The following HECW1 variants were observed in gnomAD, a reference collection of about 807,000 sequenced individuals.
HECW1 encodes HECT, C2 and WW domain containing E3 ubiquitin protein ligase 1.
A neutral mutation model predicts 182.3 loss-of-function variants in HECW1; 61 were observed. The observed-to-expected ratio is 0.33, with a 90% confidence interval of 0.27 to 0.41. The LOEUF is 0.41. Among genes scored for constraint, HECW1 ranks in the 10% least tolerant of loss-of-function variants. The pLI is 1.00. For missense variants in HECW1, 1,739 were observed against 2,108.9 expected (o/e 0.82, Z 3.44); for synonymous variants, 859 against 832.6 (o/e 1.03, Z -0.55).
chr7:43,189,094 GT>G (rs1793664267), intron 2 of HECW1, among the ~76,000 whole-genome samples: 1 of 152,126 alleles, frequency 6.6e-6, no homozygotes, highest in African/African-American at 2.4e-5. Flanking sequence ...GCAGTTGTGT[GT>G]TTGCCCAAGC....
intron 8 of HECW1, among the ~76,000 whole-genome samples, chr7:43,433,911 C>T (rs1482004371): frequency 6.6e-6 from 1 of 152,190 alleles, no homozygotes; most frequent in Non-Finnish European, 1.5e-5. Context: ...AGCCAGACAT[C>T]AGACCCCCAA....
intron 5 of HECW1, among the ~76,000 whole-genome samples, chr7:43,341,642 A>G (rs1813013418): frequency 6.6e-6 from 1 of 151,810 alleles, no homozygotes; most frequent in Non-Finnish European, 1.5e-5. Context: ...TAAAAATACA[A>G]ACATCTACTG....
intron 17 of HECW1, chr7:43,484,075 A>C (rs1027845574): frequency 6.6e-6 from 1 of 152,292 alleles, no homozygotes; most frequent in Non-Finnish European, 1.5e-5. Context: ...GTCTGCAGAC[A>C]GGCGTTCCAG....
chr7:43,251,142 A>G (rs1283400175), intron 3 of HECW1, among the ~76,000 whole-genome samples: 2 of 152,000 alleles, frequency 1.3e-5, no homozygotes, highest in Non-Finnish European at 2.9e-5. Context: ...CCTCTCCTTG[A>G]GGGCTGCAAG....
Position 43,526,243 on chromosome 7 carries a change from T to C in HECW1, c.4020-14920T>C, listed in dbSNP as rs537513216. Among the ~76,000 whole-genome samples the C allele has an allele frequency of 6.4e-4, 98 of 152,350 alleles. 1 individual carries two copies. The highest frequency in any genetic ancestry group is 2.1e-3 in the South Asian group (10 of 4,826). The stretch of plus-strand genomic sequence containing the variant: ...AGAGCCATTATTATTTTGCCATTCA[T>C]GTGAAAATTACAGAATGCTACATCA... On this transcript the variant is annotated intron_variant, in intron 24 of 29. Coordinates refer to ENST00000395891, the MANE Select transcript of HECW1 (RefSeq NM_015052.5).
rs1049686160 is a variant in HECW1 at position 43,565,638 on chromosome 7, T to C, written c.*3712T>C. 1 of 177,444 alleles carries C rather than the reference T, an allele frequency of 5.6e-6. No individual in the cohort carries two copies. Among genetic ancestry groups the C allele is most frequent in the Admixed American group, 6.4e-5 (1 of 15,744 alleles). The allele number at this position is 177,444 out of a possible 1,614,324, so 11.0% of individuals were successfully genotyped here. On this transcript the variant is annotated 3_prime_UTR_variant, in exon 30 of 30. Transcript: ENST00000395891. ...TTCATTATTAAAACTACCGCAATAC[T>C]ATATCATAAAAATCTGGGATGGATG...
intron 3 of HECW1, chr7:43,274,238 C>A: frequency 1.5e-6 from 1 of 672,164 alleles, no homozygotes; most frequent in East Asian, 2.8e-5. Context: ...CACTGCCCCT[C>A]TACTGCATGC....
chr7:43,185,319 A>G (rs139442837), intron 2 of HECW1, among the ~76,000 whole-genome samples: 16 of 152,302 alleles, frequency 1.1e-4, no homozygotes, highest in African/African-American at 3.8e-4. Flanking sequence ...ATCCTTTACA[A>G]TAAACTGGTA....
intron 2 of HECW1, among the ~76,000 whole-genome samples, chr7:43,222,459 C>T (rs996669699): frequency 6.6e-6 from 1 of 152,088 alleles, no homozygotes; most frequent in African/African-American, 2.4e-5. Flanking sequence ...AATCTAGGAT[C>T]AGATGTTTTC....
At chr7:43,553,438 A>C (rs1226626524) in intron 28 of HECW1, among the ~76,000 whole-genome samples, 1 of 152,030 alleles carries the variant, frequency 6.6e-6, no homozygotes, top group Non-Finnish European at 1.5e-5. Flanking sequence ...AGCACTTTGG[A>C]AGACCAAGGC....
intron 29 of HECW1, among the ~76,000 whole-genome samples, chr7:43,560,464 G>C (rs2082173532): frequency 6.6e-6 from 1 of 152,112 alleles, no homozygotes; most frequent in Admixed American, 6.5e-5. Context: ...ACAGGGAGGA[G>C]GGAGGTAGGG....
intron 24 of HECW1, among the ~76,000 whole-genome samples, chr7:43,532,869 A>G (rs1195470398): frequency 2.6e-5 from 4 of 152,246 alleles, no homozygotes; most frequent in Non-Finnish European, 4.4e-5. Context: ...AAAGCTGCTC[A>G]AATGTGCAGA....
At chr7:43,299,987 C>T (rs1441873643) in intron 3 of HECW1, among the ~76,000 whole-genome samples, 1 of 152,226 alleles carries the variant, frequency 6.6e-6, no homozygotes, top group Non-Finnish European at 1.5e-5. Flanking sequence ...GACTTTTCCC[C>T]ATGGAGCTCT....
chr7:43,550,282 C>T (rs1447524544), intron 26 of HECW1, among the ~76,000 whole-genome samples, 163 bp from the exon 27 acceptor site: 1 of 152,130 alleles, frequency 6.6e-6, no homozygotes, highest in African/African-American at 2.4e-5. Flanking sequence ...AGCCAGAGCT[C>T]TTTTAGTGAC....
chr7:43,343,737 G>A (rs1813319948), intron 5 of HECW1, among the ~76,000 whole-genome samples: 1 of 151,864 alleles, frequency 6.6e-6, no homozygotes, highest in Non-Finnish European at 1.5e-5. Flanking sequence ...ACGTGTGCAT[G>A]TGTCTTTATA....
chr7:43,230,027 C>T (rs181824902), intron 2 of HECW1, among the ~76,000 whole-genome samples: 162 of 152,314 alleles, frequency 1.1e-3, no homozygotes, highest in African/African-American at 3.7e-3. Flanking sequence ...GAGCCTGACT[C>T]TTATCACAAG....
chr7:43,209,524 T>TTC (rs143010197), intron 2 of HECW1, among the ~76,000 whole-genome samples: 18 of 152,236 alleles, frequency 1.2e-4, no homozygotes, highest in East Asian at 1.2e-3. Context: ...ACAAGAGAGC[T>TTC]TCTCTCTCTC....
chr7:43,281,768 A>G (rs984015561), intron 3 of HECW1, among the ~76,000 whole-genome samples: 1 of 125,698 alleles, frequency 8.0e-6, no homozygotes, highest in Admixed American at 1.0e-4. Context: ...TATGTTGCCC[A>G]GGCTAGTCTC....
intron 19 of HECW1, among the ~76,000 whole-genome samples, chr7:43,496,901 T>C (rs2079142103): frequency 6.6e-6 from 1 of 152,200 alleles, no homozygotes; most frequent in Non-Finnish European, 1.5e-5. Context: ...GTCACTCATC[T>C]GAATCAGGAT....
Sources: allele counts gnomAD v4.1 joint callset (sites outside exome capture counted in the v4.1 genomes callset), GRCh38; gene constraint gnomAD v4.1.1; transcripts MANE v1.5; gene names NCBI Gene and HGNC (gene_info 2026-07-23, HGNC 2026-07-21).